The following CADM2 variants were observed in gnomAD, a reference collection of about 807,000 sequenced individuals.
CADM2 encodes cell adhesion molecule 2, also known as immunoglobulin superfamily member 4D.
CADM2 carries 12 observed loss-of-function variants against 49.8 expected under a neutral mutation model. The observed-to-expected ratio is 0.24, with a 90% CI of 0.15 to 0.39. The LOEUF (loss-of-function observed/expected upper bound fraction) is 0.39, where lower values mean the gene tolerates loss of function less well. Among genes scored for constraint, CADM2 ranks in the 10% least tolerant of loss-of-function variants. The probability of loss-of-function intolerance (pLI) is 1.00; values close to 1 mark genes in which losing one functional copy is unlikely to be tolerated. For missense variants in CADM2, 378 were observed against 492.3 expected (o/e 0.77, Z 2.20); for synonymous variants, 214 against 175.4 (o/e 1.22, Z -1.74).
intron 8 of CADM2, among the ~76,000 whole-genome samples, chr3:85,983,171 A>G (rs1269827600): frequency 6.6e-6 from 1 of 151,776 alleles, no homozygotes; most frequent in East Asian, 1.9e-4. Context: ...ATGGAATGAA[A>G]GAAACTACAC....
chr3:85,230,856 G>A (rs139326758), intron 1 of CADM2, among the ~76,000 whole-genome samples: 6 of 152,174 alleles, frequency 3.9e-5, no homozygotes, highest in East Asian at 1.9e-4. Context: ...GGTAGATATA[G>A]GAGGAAAACT....
chr3:85,894,523 C>A (rs1478681428), intron 5 of CADM2, among the ~76,000 whole-genome samples: 1 of 152,058 alleles, frequency 6.6e-6, no homozygotes, highest in Non-Finnish European at 1.5e-5. Context: ...CTGGGGAGAA[C>A]TTCAAGTGGA....
chr3:86,030,135 G>C (rs1230007312), intron 8 of CADM2, among the ~76,000 whole-genome samples: 1 of 151,898 alleles, frequency 6.6e-6, no homozygotes, highest in Non-Finnish European at 1.5e-5. Context: ...AACTCCTGAA[G>C]ACTTTAAAGA....
At position 85,110,547 on chromosome 3, in the gene CADM2, G is replaced by C. The variant is rs936440509; in HGVS notation, c.61+150879G>C. 3.3e-5 allele frequency among the ~76,000 whole-genome samples: 5 copies of C among 151,804 alleles called. No individual in the cohort carries two copies. In the East Asian group the frequency reaches 9.7e-4, roughly 29 times the overall value. On this transcript the variant is annotated intron_variant, in intron 1 of 9. Coordinates refer to ENST00000383699, the MANE Select transcript of CADM2 (RefSeq NM_001167675.2). ...TACAAATCATATGTTATAGTGCAAA[G>C]GTACAAATCCACAAAAGGTTTTTCA...
intron 1 of CADM2, among the ~76,000 whole-genome samples, chr3:85,385,098 C>T (rs1334672204): frequency 6.6e-6 from 1 of 151,924 alleles, no homozygotes; most frequent in Non-Finnish European, 1.5e-5. Flanking sequence ...AGCACACCTG[C>T]TAATTTTTGT....
chr3:85,607,825 T>G (rs2107435755), intron 1 of CADM2, among the ~76,000 whole-genome samples: 1 of 151,896 alleles, frequency 6.6e-6, no homozygotes, highest in South Asian at 2.1e-4. Flanking sequence ...CCCAGCTAAT[T>G]TTTGTATTTT....
intron 8 of CADM2, among the ~76,000 whole-genome samples, chr3:85,978,269 T>G (rs191647956): frequency 1.3e-5 from 2 of 151,594 alleles, no homozygotes; most frequent in Non-Finnish European, 3.0e-5. Flanking sequence ...CAGCTGATTT[T>G]TAGTGAAAGG....
intron 1 of CADM2, among the ~76,000 whole-genome samples, chr3:85,497,467 G>A (rs1263051630): frequency 2.0e-5 from 3 of 151,944 alleles, no homozygotes; most frequent in Admixed American, 6.6e-5. Context: ...TTGAAAGAAC[G>A]AACTTTTATT....
At chr3:85,808,217 C>G (rs1383160758) in intron 3 of CADM2, among the ~76,000 whole-genome samples, 2 of 152,114 alleles carry the variant, frequency 1.3e-5, no homozygotes. Flanking sequence ...AAATAAGAAT[C>G]AAGAGGAAAA....
chr3:85,140,315 A>AT (rs747010951), intron 1 of CADM2, among the ~76,000 whole-genome samples: 8 of 152,078 alleles, frequency 5.3e-5, no homozygotes, highest in Non-Finnish European at 8.8e-5. Context: ...CAAATGATAC[A>AT]TTTTTCTGTA....
chr3:85,374,068 A>G (rs1270692850), intron 1 of CADM2, among the ~76,000 whole-genome samples: 1 of 151,834 alleles, frequency 6.6e-6, no homozygotes, highest in Non-Finnish European at 1.5e-5. Context: ...ATTTCTCCTC[A>G]GAAAATGTTT....
chr3:85,003,447 A>C (rs1008025188), intron 1 of CADM2, among the ~76,000 whole-genome samples: 1 of 152,186 alleles, frequency 6.6e-6, no homozygotes, highest in Non-Finnish European at 1.5e-5. Flanking sequence ...GCATTATATT[A>C]AATGGCTAAA....
intron 1 of CADM2, among the ~76,000 whole-genome samples, chr3:85,383,190 A>G (rs1043198865): frequency 3.9e-5 from 6 of 152,106 alleles, no homozygotes; most frequent in Non-Finnish European, 5.9e-5. Flanking sequence ...TTTGTTGTGT[A>G]TAAGTTTGCT....
At chr3:86,019,393 A>T (rs77280996) in intron 8 of CADM2, among the ~76,000 whole-genome samples, 1 of 149,636 alleles carries the variant, frequency 6.7e-6, no homozygotes, top group Admixed American at 6.7e-5. Flanking sequence ...ACTTTAAAGT[A>T]GTTTTTTCCA....
intron 3 of CADM2, among the ~76,000 whole-genome samples, chr3:85,816,310 G>A (rs1400770130): frequency 1.3e-5 from 2 of 151,552 alleles, no homozygotes; most frequent in African/African-American, 4.8e-5. Flanking sequence ...AGAGGCCACT[G>A]TATTTTACTG....
At chr3:85,345,740 G>A (rs2030567721) in intron 1 of CADM2, among the ~76,000 whole-genome samples, 1 of 152,134 alleles carries the variant, frequency 6.6e-6, no homozygotes. Context: ...GGAAATTATT[G>A]GACTATTGGA....
At chr3:85,527,799 G>A (rs184732705) in intron 1 of CADM2, among the ~76,000 whole-genome samples, 577 of 152,254 alleles carry the variant, frequency 3.8e-3, no homozygotes, top group Non-Finnish European at 7.0e-3. Context: ...GCTATTTTAT[G>A]TTAATATTTT....
At chr3:85,988,742 C>A (rs1728417139) in intron 8 of CADM2, among the ~76,000 whole-genome samples, 2 of 152,070 alleles carry the variant, frequency 1.3e-5, no homozygotes, top group African/African-American at 4.8e-5. Flanking sequence ...TCAAATGGTT[C>A]AGTTATAATA....
chr3:85,138,646 G>C (rs2039488139), intron 1 of CADM2, among the ~76,000 whole-genome samples: 1 of 152,080 alleles, frequency 6.6e-6, no homozygotes. Flanking sequence ...GGTGTCATTA[G>C]TTGGCAAATG....
Sources: gnomAD v4.1 joint callset for allele counts (sites outside exome capture counted in the v4.1 genomes callset) on GRCh38, gnomAD v4.1.1 for gene constraint, MANE v1.5 for transcripts, NCBI Gene and HGNC (gene_info 2026-07-23, HGNC 2026-07-21) for gene names.